The following LEKR1 variants were observed in gnomAD, a reference collection of about 807,000 sequenced individuals.
LEKR1 encodes protein LEKR1.
In LEKR1, 59 loss-of-function variants were observed where a neutral mutation model predicts 72.4. The observed-to-expected ratio is 0.82, with a 90% CI of 0.66 to 1.01. The LOEUF is 1.01. Ranked by LOEUF, LEKR1 falls within the 50% of genes least tolerant of loss-of-function variation. The pLI is 0.00. For missense variants in LEKR1, 728 were observed against 759.2 expected, an observed-to-expected ratio of 0.96 and a Z score of 0.48; for synonymous variants, 257 against 263.2, an observed-to-expected ratio of 0.98 and a Z score of 0.23.
intron 3 of LEKR1, among the ~76,000 whole-genome samples, chr3:156,880,159 C>A (rs572766750): frequency 6.6e-6 from 1 of 152,206 alleles, no homozygotes; most frequent in African/African-American, 2.4e-5. Flanking sequence ...TGCTTTTCAG[C>A]CCATGAAAGC....
intron 3 of LEKR1, among the ~76,000 whole-genome samples, chr3:156,914,550 AT>A (rs1294329581): frequency 6.6e-6 from 1 of 151,934 alleles, no homozygotes; most frequent in Non-Finnish European, 1.5e-5. Flanking sequence ...CATTTTCTTT[AT>A]CCAGTTTATC....
intron 6 of LEKR1, among the ~76,000 whole-genome samples, chr3:156,974,094 T>C (rs1008978414): frequency 1.3e-5 from 2 of 152,104 alleles, no homozygotes; most frequent in African/African-American, 2.4e-5. Context: ...GTAGGATTAT[T>C]TATGGTGACA....
intron 12 of LEKR1, among the ~76,000 whole-genome samples, chr3:157,033,970 A>G (rs1734795306): frequency 6.6e-6 from 1 of 152,156 alleles, no homozygotes; most frequent in Non-Finnish European, 1.5e-5. Context: ...TATAAGTGGG[A>G]CAACAAAGCC....
intron 7 of LEKR1, among the ~76,000 whole-genome samples, chr3:156,991,696 G>C (rs1410410140): frequency 6.6e-6 from 1 of 151,956 alleles, no homozygotes; most frequent in African/African-American, 2.4e-5. Flanking sequence ...TTATTTCCCT[G>C]CTGAGATTTC....
chr3:156,936,152 T>C (rs1310771430), intron 5 of LEKR1, among the ~76,000 whole-genome samples: 2 of 152,096 alleles, frequency 1.3e-5, no homozygotes, highest in Admixed American at 1.3e-4. Context: ...ATGTTAGAAC[T>C]CTTGGCAGAA....
chr3:157,023,555 T>G (rs1334785985), intron 10 of LEKR1, among the ~76,000 whole-genome samples: 1 of 152,158 alleles, frequency 6.6e-6, no homozygotes, highest in East Asian at 1.9e-4. Context: ...TACTCTCCAC[T>G]GACTGTTAAA....
At chr3:157,005,432 G>A (rs868849966) in intron 9 of LEKR1, among the ~76,000 whole-genome samples, 1 of 151,968 alleles carries the variant, frequency 6.6e-6, no homozygotes, top group Non-Finnish European at 1.5e-5. Context: ...GAATAAGAAA[G>A]AACAGTTCCC....
chr3:156,888,502 G>A (rs1211100374), intron 3 of LEKR1: 2 of 638,040 alleles, frequency 3.1e-6, no homozygotes, highest in Non-Finnish European at 5.8e-6. Flanking sequence ...TAAGCCAGAA[G>A]ATTTTGGAGA....
chr3:156,886,439 G>A (rs909211646), intron 3 of LEKR1, among the ~76,000 whole-genome samples: 2 of 152,080 alleles, frequency 1.3e-5, no homozygotes, highest in African/African-American at 4.8e-5. Context: ...TGTGTCCATA[G>A]CAGCTCCCCC....
At chr3:156,912,265 T>C (rs1421885608) in intron 3 of LEKR1, among the ~76,000 whole-genome samples, 1 of 152,126 alleles carries the variant, frequency 6.6e-6, no homozygotes, top group Non-Finnish European at 1.5e-5. Context: ...GTACCCAATA[T>C]GTAGTGTTTT....
chr3:157,040,834 A>C (rs1299389926), intron 12 of LEKR1, among the ~76,000 whole-genome samples: 1 of 152,190 alleles, frequency 6.6e-6, no homozygotes, highest in Non-Finnish European at 1.5e-5. Context: ...TGTTCCCCCC[A>C]AAATTGTGCC....
At chr3:156,881,456 C>A (rs1454969797) in intron 3 of LEKR1, among the ~76,000 whole-genome samples, 6 of 152,042 alleles carry the variant, frequency 3.9e-5, no homozygotes, top group Non-Finnish European at 7.4e-5. Flanking sequence ...ATGTGAAGGA[C>A]CTCTTCAAGG....
chr3:157,005,403 C>T (rs1343142736), intron 9 of LEKR1, among the ~76,000 whole-genome samples: 2 of 152,100 alleles, frequency 1.3e-5, no homozygotes. Context: ...TATTTATACT[C>T]AAACTCTTCC....
chr3:156,854,385 A>T (rs1455481164), intron 3 of LEKR1, among the ~76,000 whole-genome samples: 1 of 151,936 alleles, frequency 6.6e-6, no homozygotes, highest in Non-Finnish European at 1.5e-5. Context: ...ACCTCAGGTG[A>T]TCTGCCCACC....
chr3:156,947,076 T>G (rs771320042), intron 6 of LEKR1, among the ~76,000 whole-genome samples: 13 of 151,318 alleles, frequency 8.6e-5, no homozygotes, highest in Admixed American at 2.0e-4. Flanking sequence ...AACTTTTCAT[T>G]TTGTTGATCT....
chr3:156,993,115 CT>C lies in LEKR1; in HGVS notation c.949del (p.Cys317ValfsTer12). ...LLKEKEDSLMTCQQIYKALQE... is the reference protein window; with the variant it reads ...LLKEKEDSLMXCQQIYKALQE... ...AAGGAAAAAGAAGACTCTTTAATGACTTGTCAACAGATATATAAAGCATTAC... is the reference window on the plus strand; with the variant it reads ...AAGGAAAAAGAAGACTCTTTAATGACTGTCAACAGATATATAAAGCATTAC... On this transcript the variant is annotated frameshift_variant, in exon 9 of 13. Transcript: ENST00000356539. LOFTEE classifies it high-confidence loss of function. 6.2e-7 allele frequency: 1 copy of C among 1,610,018 alleles called. No individual in the cohort carries two copies. The highest frequency in any genetic ancestry group is 8.5e-7 in the Non-Finnish European group (1 of 1,178,522).
chr3:156,837,952 T>C (rs964553629), intron 2 of LEKR1, among the ~76,000 whole-genome samples: 5 of 152,294 alleles, frequency 3.3e-5, no homozygotes, highest in South Asian at 4.1e-4. Flanking sequence ...GGAATCATAG[T>C]CAAAAACCTC....
chr3:156,935,372 TC>T (rs1725597757), intron 5 of LEKR1, among the ~76,000 whole-genome samples: 1 of 152,182 alleles, frequency 6.6e-6, no homozygotes. Flanking sequence ...TAAAAAACTT[TC>T]TTTTTAGTGC....
intron 3 of LEKR1, among the ~76,000 whole-genome samples, chr3:156,874,063 CATCTGTT>C (rs1718282978): frequency 1.3e-5 from 2 of 152,130 alleles, no homozygotes; most frequent in Admixed American, 1.3e-4. Flanking sequence ...GGGAAGTGTT[CATCTGTT>C]ATTTTGTTAA....
Sources: allele counts gnomAD v4.1 joint callset (sites outside exome capture counted in the v4.1 genomes callset), GRCh38; gene constraint gnomAD v4.1.1; transcripts MANE v1.5; gene names NCBI Gene and HGNC (gene_info 2026-07-23, HGNC 2026-07-21).